Variants in CNTNAP5 observed in about 807,000 individuals in gnomAD.
CNTNAP5 encodes the protein contactin-associated protein-like 5.
In CNTNAP5, 72 loss-of-function variants were observed where a neutral mutation model predicts 150.2. That is an observed-to-expected ratio of 0.48 (90% confidence interval 0.40 to 0.58). The LOEUF (loss-of-function observed/expected upper bound fraction) is 0.58. Ranked by LOEUF, CNTNAP5 falls within the 20% of genes least tolerant of loss-of-function variation. The pLI is 0.00. For synonymous variants in CNTNAP5, 672 were observed against 619.8 expected, an observed-to-expected ratio of 1.08 and a Z score of -1.25; for missense variants, 1,636 against 1,626.2, an observed-to-expected ratio of 1.01 and a Z score of -0.10.
chr2:124,217,192 G>A (rs992219350), intron 1 of CNTNAP5, among the ~76,000 whole-genome samples: 7 of 152,174 alleles, frequency 4.6e-5, no homozygotes, highest in Non-Finnish European at 1.0e-4. Flanking sequence ...CCCATTGGAA[G>A]TGAGTATGAG....
Position 124,454,131 on chromosome 2 carries a change from C to A in CNTNAP5, c.918+7194C>A, listed in dbSNP as rs147984025. Among the ~76,000 whole-genome samples the A allele has an allele frequency of 9.0e-3, 1,377 of 152,244 alleles. 8 individuals carry two copies. Among genetic ancestry groups the A allele is most frequent in the Non-Finnish European group, 0.015 (1,046 of 68,002 alleles). On this transcript the variant is annotated intron_variant, in intron 6 of 23. Transcript: ENST00000682447. ...GCAGAATGGATAAGAGTTCACCAAC[C>A]AACTATCTGCTGCCTTCAAGAGACA...
intron 8 of CNTNAP5, among the ~76,000 whole-genome samples, chr2:124,512,147 G>A (rs978510084): frequency 7.9e-5 from 12 of 151,740 alleles, no homozygotes; most frequent in African/African-American, 2.7e-4. Context: ...TATAGCTAAC[G>A]GTTGGTATAT....
At chr2:124,453,341 G>A (rs962808588) in intron 6 of CNTNAP5, among the ~76,000 whole-genome samples, 3 of 151,770 alleles carry the variant, frequency 2.0e-5, no homozygotes, top group African/African-American at 7.3e-5. Context: ...AAAGAAAATA[G>A]AATAAGAAAA....
chr2:124,271,701 C>CA (rs1687763066), intron 3 of CNTNAP5, among the ~76,000 whole-genome samples: 5 of 114,762 alleles, frequency 4.4e-5, no homozygotes, highest in East Asian at 2.3e-4. Context: ...ATCTATCTAT[C>CA]ATCTATCTAT....
intron 10 of CNTNAP5, among the ~76,000 whole-genome samples, chr2:124,545,114 A>T (rs553627992): frequency 6.6e-6 from 1 of 152,302 alleles, no homozygotes; most frequent in South Asian, 2.1e-4. Flanking sequence ...TCTAAATTAG[A>T]ATTCATGTTA....
At chr2:124,791,775 C>T (rs1681739746) in intron 18 of CNTNAP5, among the ~76,000 whole-genome samples, 1 of 150,912 alleles carries the variant, frequency 6.6e-6, no homozygotes, top group African/African-American at 2.4e-5. Flanking sequence ...TATCTTTTCC[C>T]TGCATATGTT....
chr2:124,605,036 T>C (rs115670149), intron 11 of CNTNAP5, among the ~76,000 whole-genome samples: 2,058 of 152,228 alleles, frequency 0.014, 49 homozygotes, highest in African/African-American at 0.047. Flanking sequence ...TCAGCAAACA[T>C]CATGCAAGCA....
intron 1 of CNTNAP5, among the ~76,000 whole-genome samples, chr2:124,205,426 T>C (rs59326058): frequency 0.012 from 1,796 of 151,724 alleles, 46 homozygotes; most frequent in African/African-American, 0.041. Context: ...CTTTTCTTTT[T>C]TTTTTTTTTG....
chr2:124,693,343 T>G (rs973481562), intron 13 of CNTNAP5, among the ~76,000 whole-genome samples: 1 of 152,154 alleles, frequency 6.6e-6, no homozygotes, highest in Non-Finnish European at 1.5e-5. Context: ...TATCACTGCT[T>G]ACCCAGAAGA....
intron 12 of CNTNAP5, among the ~76,000 whole-genome samples, chr2:124,633,171 C>G (rs556481142): frequency 5.3e-5 from 8 of 152,218 alleles, no homozygotes; most frequent in African/African-American, 1.9e-4. Flanking sequence ...CATGCCTACC[C>G]AACAGTCCCC....
intron 3 of CNTNAP5, among the ~76,000 whole-genome samples, chr2:124,243,366 A>G (rs1573862280): frequency 6.6e-6 from 1 of 152,186 alleles, no homozygotes; most frequent in East Asian, 1.9e-4. Flanking sequence ...TGTTGGCCCC[A>G]TCTCCCTGAT....
At chr2:124,824,465 G>A (rs1018176594) in intron 19 of CNTNAP5, among the ~76,000 whole-genome samples, 7 of 152,138 alleles carry the variant, frequency 4.6e-5, no homozygotes, top group East Asian at 3.9e-4. Flanking sequence ...TTAATCCATC[G>A]TGTCCATGGA....
chr2:124,077,484 C>T (rs562023342), intron 1 of CNTNAP5, among the ~76,000 whole-genome samples: 2 of 152,236 alleles, frequency 1.3e-5, no homozygotes, highest in African/African-American at 2.4e-5. Flanking sequence ...AATCTGTCTA[C>T]CTGTGGCCCC....
intron 3 of CNTNAP5, among the ~76,000 whole-genome samples, chr2:124,396,148 A>G (rs1287114205): frequency 6.6e-6 from 1 of 152,238 alleles, no homozygotes; most frequent in Non-Finnish European, 1.5e-5. Flanking sequence ...AGTCAAGCTA[A>G]GGAACTCCAT....
chr2:124,408,162 T>A (rs996515539), intron 3 of CNTNAP5, among the ~76,000 whole-genome samples: 1 of 152,176 alleles, frequency 6.6e-6, no homozygotes, highest in Non-Finnish European at 1.5e-5. Context: ...ACCCGAATAC[T>A]GCGCTTTTCC....
At chr2:124,768,423 G>A (rs1359048266) in intron 16 of CNTNAP5, among the ~76,000 whole-genome samples, 1 of 152,060 alleles carries the variant, frequency 6.6e-6, no homozygotes, top group Non-Finnish European at 1.5e-5. Flanking sequence ...AAAATATGAT[G>A]TTAACTTGGA....
At chr2:124,331,068 A>G (rs79856738) in intron 3 of CNTNAP5, among the ~76,000 whole-genome samples, 10,630 of 152,124 alleles carry the variant, frequency 0.07, 477 homozygotes, top group East Asian at 0.22. Flanking sequence ...TACTTGTCGG[A>G]GTCCTTTTTT....
At chr2:124,354,271 A>G (rs1343132351) in intron 3 of CNTNAP5, among the ~76,000 whole-genome samples, 1 of 152,194 alleles carries the variant, frequency 6.6e-6, no homozygotes, top group Non-Finnish European at 1.5e-5. Flanking sequence ...AAACAAACAA[A>G]AAAAATCTTT....
intron 19 of CNTNAP5, among the ~76,000 whole-genome samples, chr2:124,805,423 A>G (rs1682061075): frequency 6.6e-6 from 1 of 152,046 alleles, no homozygotes; most frequent in Non-Finnish European, 1.5e-5. Flanking sequence ...TGCACAATAC[A>G]CCTGGGGCAA....
Sources: gnomAD v4.1 joint callset for allele counts (sites outside exome capture counted in the v4.1 genomes callset) on GRCh38, gnomAD v4.1.1 for gene constraint, MANE v1.5 for transcripts, NCBI Gene and HGNC (gene_info 2026-07-23, HGNC 2026-07-21) for gene names.